The following RFX3 variants were observed in gnomAD, a reference collection of about 807,000 sequenced individuals.
RFX3 encodes the protein transcription factor RFX3.
RFX3 carries 14 observed loss-of-function variants against 98.6 expected under a neutral mutation model. The observed-to-expected ratio is 0.14, with a 90% CI of 0.09 to 0.22. The LOEUF (loss-of-function observed/expected upper bound fraction) is 0.22, where lower values mean the gene tolerates loss of function less well. RFX3 is among the 10% of genes least tolerant of loss of function. The pLI, the probability that RFX3 is intolerant of heterozygous loss-of-function variation, is 1.00. For synonymous variants in RFX3, 383 were observed against 328.4 expected, an observed-to-expected ratio of 1.17 and a Z score of -1.80; for missense variants, 639 against 926.9, an observed-to-expected ratio of 0.69 and a Z score of 4.03.
chr9:3,258,274 A>G (rs1491002781), intron 13 of RFX3, among the ~76,000 whole-genome samples: 1 of 152,148 alleles, frequency 6.6e-6, no homozygotes, highest in African/African-American at 2.4e-5. Context: ...GGCTCCTAAT[A>G]AAACCTTGTG....
intron 2 of RFX3, among the ~76,000 whole-genome samples, chr9:3,374,373 A>G (rs1438802282): frequency 6.6e-6 from 1 of 152,212 alleles, no homozygotes; most frequent in Non-Finnish European, 1.5e-5. Context: ...ATATTTGTAC[A>G]GCCCATTCAT....
At position 3,375,315 on chromosome 9, in the gene RFX3, G is replaced by A. The variant is rs1384751904; in HGVS notation, c.117+20157C>T. Among the ~76,000 whole-genome samples the A allele has an allele frequency of 1.3e-5, 2 of 152,158 alleles. 1 individual carries two copies. Among genetic ancestry groups the A allele is most frequent in the African/African-American group, 4.8e-5 (2 of 41,434 alleles). ...ATCAGGATGAGCTGTGCACATGTCT[G>A]CCATTTTACTTTGATTCTGATCCCA... On this transcript the variant is annotated intron_variant, in intron 2 of 16. Coordinates refer to ENST00000617270, the MANE Select transcript of RFX3 (RefSeq NM_001282116.2).
intron 15 of RFX3, chr9:3,247,691 AG>A: frequency 6.7e-7 from 1 of 1,492,602 alleles, no homozygotes; most frequent in Non-Finnish European, 8.9e-7. Flanking sequence ...TTGTATTCCC[AG>A]CCCTTTGCTT....
chr9:3,424,561 C>T (rs1006011425), intron 1 of RFX3, among the ~76,000 whole-genome samples: 6 of 151,530 alleles, frequency 4.0e-5, no homozygotes, highest in South Asian at 2.1e-4. Flanking sequence ...GGGGCTTCAC[C>T]GTGTTAGCCG....
At chr9:3,453,079 G>A (rs768488908) in intron 1 of RFX3, among the ~76,000 whole-genome samples, 5 of 152,044 alleles carry the variant, frequency 3.3e-5, no homozygotes, top group East Asian at 3.9e-4. Context: ...CGCACATCCC[G>A]TAAGACTGTT....
At chr9:3,491,587 T>C (rs1406121334) in intron 1 of RFX3, among the ~76,000 whole-genome samples, 4 of 152,188 alleles carry the variant, frequency 2.6e-5, no homozygotes, top group African/African-American at 9.6e-5. Context: ...GTGAAAATTT[T>C]AGGCCAGTCT....
At chr9:3,340,255 A>T (rs1341527117) in intron 3 of RFX3, among the ~76,000 whole-genome samples, 1 of 152,224 alleles carries the variant, frequency 6.6e-6, no homozygotes, top group African/African-American at 2.4e-5. Context: ...AATTAATTCA[A>T]GATGGATTAA....
chr9:3,503,592 T>C (rs766644790), intron 1 of RFX3, among the ~76,000 whole-genome samples: 2 of 152,078 alleles, frequency 1.3e-5, no homozygotes, highest in East Asian at 3.9e-4. Context: ...GAAAACCCCA[T>C]TCTAAAAATA....
intron 14 of RFX3, among the ~76,000 whole-genome samples, chr9:3,254,877 C>T (rs1821904466): frequency 6.6e-6 from 1 of 152,200 alleles, no homozygotes; most frequent in South Asian, 2.1e-4. Context: ...CCAAACCTAG[C>T]ACTGGCTTCA....
intron 1 of RFX3, among the ~76,000 whole-genome samples, chr9:3,404,469 T>A (rs1475374859): frequency 6.6e-6 from 1 of 152,146 alleles, no homozygotes; most frequent in Non-Finnish European, 1.5e-5. Flanking sequence ...CTGGTACTTA[T>A]CTATGGGAAC....
intron 1 of RFX3, among the ~76,000 whole-genome samples, chr9:3,496,745 T>G (rs1851133542): frequency 6.6e-6 from 1 of 152,038 alleles, no homozygotes; most frequent in African/African-American, 2.4e-5. Flanking sequence ...AAACCAGGAT[T>G]TGAACTCTGG....
chr9:3,417,706 C>G (rs896026654), intron 1 of RFX3, among the ~76,000 whole-genome samples: 36 of 151,504 alleles, frequency 2.4e-4, no homozygotes, highest in Admixed American at 1.6e-3. Flanking sequence ...CTAAACAAAT[C>G]AACAGTTTTA....
intron 1 of RFX3, among the ~76,000 whole-genome samples, chr9:3,457,145 A>G (rs1429702445): frequency 7.7e-6 from 1 of 129,412 alleles, no homozygotes; most frequent in Non-Finnish European, 1.8e-5. Context: ...ATCTCAAAAA[A>G]AAAAAAAAAA....
At chr9:3,490,908 T>A (rs1018539514) in intron 1 of RFX3, among the ~76,000 whole-genome samples, 1 of 152,130 alleles carries the variant, frequency 6.6e-6, no homozygotes, top group African/African-American at 2.4e-5. Flanking sequence ...AAAGTAAATG[T>A]GGAGTAGCAA....
intron 1 of RFX3, among the ~76,000 whole-genome samples, chr9:3,407,024 G>A (rs545210708): frequency 6.6e-6 from 1 of 152,262 alleles, no homozygotes; most frequent in East Asian, 1.9e-4. Context: ...CAGATCCAAT[G>A]CTCTAATCAT....
intron 1 of RFX3, among the ~76,000 whole-genome samples, chr9:3,427,273 TTATTA>T (rs1178133758): frequency 7.0e-6 from 1 of 143,884 alleles, no homozygotes; most frequent in Non-Finnish European, 1.5e-5. Context: ...TATATATATT[TTATTA>T]TATAATACTA....
chr9:3,317,179 C>T (rs1830715769), intron 4 of RFX3, among the ~76,000 whole-genome samples: 1 of 152,118 alleles, frequency 6.6e-6, no homozygotes, highest in South Asian at 2.1e-4. Flanking sequence ...AGATATAGAC[C>T]AATGGAACAG....
At position 3,330,389 on chromosome 9, in the gene RFX3, G is replaced by A. The variant is rs1832452928; in HGVS notation, c.344C>T (p.Thr115Ile). Residue 115 changes from threonine (T) to isoleucine (I), a missense_variant, in exon 4 of 17, where the codon ACT becomes ATT. Coordinates refer to ENST00000617270, the MANE Select transcript of RFX3 (RefSeq NM_001282116.2). ...TGTGACGCCCATCTGAATCCCACCA[G>A]TGCCCACCATACTGTGGGATGAGAC... ...TVVSSHSMVG[T>I]GGIQMGVTGG... The A allele has an allele frequency of 6.2e-7, 1 of 1,614,130 alleles. No individual in the cohort carries two copies. The highest frequency in any genetic ancestry group is 1.3e-5 in the African/African-American group (1 of 75,034).
chr9:3,467,928 G>C (rs1274251322), intron 1 of RFX3, among the ~76,000 whole-genome samples: 1 of 152,194 alleles, frequency 6.6e-6, no homozygotes, highest in East Asian at 1.9e-4. Context: ...CAATCACCAA[G>C]TGTCCTTGCA....
Sources: allele counts gnomAD v4.1 joint callset (sites outside exome capture counted in the v4.1 genomes callset), GRCh38; gene constraint gnomAD v4.1.1; transcripts MANE v1.5; gene names NCBI Gene and HGNC (gene_info 2026-07-23, HGNC 2026-07-21).